The following RTKN variants were observed in gnomAD, a reference collection of about 807,000 sequenced individuals.
RTKN encodes the protein rhotekin.
RTKN carries 49 observed loss-of-function variants against 63.5 expected under a neutral mutation model. The observed-to-expected ratio is 0.77, with a 90% CI of 0.61 to 0.98. The LOEUF is 0.98. Among genes scored for constraint, RTKN ranks in the 50% least tolerant of loss-of-function variants. The probability of loss-of-function intolerance (pLI) is 0.00; values close to 1 mark genes in which losing one functional copy is unlikely to be tolerated. For missense variants in RTKN, 685 were observed against 740.8 expected, an observed-to-expected ratio of 0.92 and a Z score of 0.87; for synonymous variants, 295 against 290.4, an observed-to-expected ratio of 1.02 and a Z score of -0.16.
rs141727618 is a variant in RTKN, at chr2:74,432,942, C to T, written c.112-276G>A. Among the ~76,000 whole-genome samples the T allele has an allele frequency of 2.1e-3, 312 of 152,016 alleles. 10 individuals are homozygous for T. In the East Asian group the frequency reaches 0.054, roughly 26 times the overall value. On this transcript the variant is annotated intron_variant, in intron 1 of 11. Coordinates refer to ENST00000272430, the MANE Select transcript of RTKN (RefSeq NM_001015055.2). Reference sequence around the variant, plus strand: ...GCCTGGGCAACATAGTGAGACCCCACCTCTAAAAAAATATATAACAGCCGG... The same window carrying T: ...GCCTGGGCAACATAGTGAGACCCCATCTCTAAAAAAATATATAACAGCCGG...
intron 1 of RTKN, chr2:74,439,462 C>A: frequency 1.4e-6 from 2 of 1,467,026 alleles, no homozygotes; most frequent in East Asian, 2.3e-5. Flanking sequence ...CTGGCTCTCC[C>A]CACCATGCTG....
chr2:74,427,997 G>A, intron 9 of RTKN: 1 of 535,744 alleles, frequency 1.9e-6, no homozygotes, highest in Non-Finnish European at 3.3e-6. Context: ...TGAGGGAGAA[G>A]AGGGAGAGAG....
chr2:74,430,577 G>A, intron 3 of RTKN, 39 bp downstream of exon 3: 3 of 1,613,846 alleles, frequency 1.9e-6, no homozygotes, highest in Non-Finnish European at 2.5e-6. Flanking sequence ...GTGTGCTTGG[G>A]CAAGGGGTAC....
chr2:74,427,245 G>A lies in RTKN; in HGVS notation c.1284C>T (p.Ile428=). The change falls in exon 11 of 12, where the codon ATC becomes ATT. Residue 428 remains isoleucine, a synonymous_variant. Coordinates refer to ENST00000272430, the MANE Select transcript of RTKN (RefSeq NM_001015055.2). ...MSQWKQCCDE[I]MKIETPAPRK... Reference sequence around the variant, plus strand: ...GGGGAGCAGGAGTTTCAATTTTCATGATTTCATCACAGCACTGCTTCCATT... The same window carrying A: ...GGGGAGCAGGAGTTTCAATTTTCATAATTTCATCACAGCACTGCTTCCATT... 1 of 1,614,188 alleles carries A rather than the reference G, an allele frequency of 6.2e-7. No homozygotes were observed. Among genetic ancestry groups the A allele is most frequent in the Non-Finnish European group, 8.5e-7 (1 of 1,180,028 alleles).
chr2:74,430,159 C>A, intron 5 of RTKN, 93 bp downstream of exon 5: 5 of 1,509,824 alleles, frequency 3.3e-6, no homozygotes, highest in Non-Finnish European at 4.6e-6. Flanking sequence ...TCCTCTCCAC[C>A]CTGCCCCCAT....
In RTKN at chr2:74,430,310, C is replaced by T. The variant is rs1670674097; in HGVS notation, c.487G>A (p.Glu163Lys). Residue 163 changes from glutamate to lysine, a missense_variant, in exon 5 of 12, where the codon GAG becomes AAG. Transcript: ENST00000272430. Reference sequence around the variant, plus strand: ...AGGGTCCTGTCCACTAGGATCATCTCTGTGTCCTGGATGTGTTCCCCCAGC... The same window carrying T: ...AGGGTCCTGTCCACTAGGATCATCTTTGTGTCCTGGATGTGTTCCCCCAGC... ...LQLGEHIQDT[E>K]MILVDRTLTD... 4 of 1,614,092 alleles carry T rather than the reference C, an allele frequency of 2.5e-6. No individual in the cohort carries two copies. The African/African-American group carries it at 4.0e-5, about 16-fold the overall frequency.
chr2:74,427,434 G>C lies in RTKN; in HGVS notation c.1245C>G (p.Phe415Leu), dbSNP rs113000767. Residue 415 changes from phenylalanine to leucine, a missense_variant, in exon 10 of 12, where the codon TTC becomes TTG. By Grantham distance (22) the Phe-to-Leu change is conservative. Coordinates refer to ENST00000272430, the MANE Select transcript of RTKN (RefSeq NM_001015055.2). Reference sequence around the variant, plus strand: ...CCCCTTCTCTCTTACTCATGTCAAAGAAAAGCTGCCACAGAGCCTCCATCC... The same window carrying C: ...CCCCTTCTCTCTTACTCATGTCAAACAAAAGCTGCCACAGAGCCTCCATCC... ...QSWMEALWQL[F>L]FDMSQWKQCC... 5.6e-6 allele frequency: 9 copies of C among 1,613,980 alleles called. No homozygotes were observed. The highest frequency in any genetic ancestry group is 1.3e-5 in the African/African-American group (1 of 74,912).
chr2:74,431,161 C>G (rs973251195), intron 2 of RTKN, among the ~76,000 whole-genome samples: 1 of 151,900 alleles, frequency 6.6e-6, no homozygotes, highest in Non-Finnish European at 1.5e-5. Context: ...ATAATTTGGC[C>G]AACATTTGTT....
chr2:74,434,682 C>T (rs1335271233), intron 1 of RTKN, among the ~76,000 whole-genome samples: 3 of 152,106 alleles, frequency 2.0e-5, no homozygotes, highest in Non-Finnish European at 4.4e-5. Flanking sequence ...TCCCAAAGTG[C>T]GGGATTACAG....
chr2:74,429,774 A>G (rs1670628495), intron 6 of RTKN, 54 bp downstream of exon 6: 2 of 1,525,016 alleles, frequency 1.3e-6, no homozygotes, highest in Non-Finnish European at 1.8e-6. Flanking sequence ...TTCAAAGGTC[A>G]CCTGTGGGCA....
rs769140535 is a variant in RTKN at position 74,432,547 on chromosome 2, C to T, written c.231G>A (p.Val77=). ...QALEATKSLL[V]CNSRILSYMG... is the part of the protein sequence containing the mutation. ...TGTAGCTGAGGATGCGGCTGTTGCA[C>T]ACTAGCAGGCTCTTGGTGGCCTCCA... Residue 77 remains valine, a synonymous_variant, in exon 2 of 12, where the codon GTG becomes GTA. Transcript: ENST00000272430. 18 of 1,613,950 alleles carry T rather than the reference C, an allele frequency of 1.1e-5. No homozygotes were observed. In the Admixed American group the frequency reaches 1.8e-4, roughly 16 times the overall value.
chr2:74,428,163 G>A, intron 9 of RTKN, 105 bp downstream of exon 9: 3 of 1,446,306 alleles, frequency 2.1e-6, no homozygotes, highest in African/African-American at 1.4e-5. Context: ...AGGAGCAGGA[G>A]GCCTGCTTCT....
chr2:74,430,747 TC>T, intron 2 of RTKN, 70 bp from the exon 3 acceptor site: 1 of 1,463,896 alleles, frequency 6.8e-7, no homozygotes, highest in Non-Finnish European at 9.3e-7. Context: ...TCCCAACGAC[TC>T]TAGGATCCCC....
intron 9 of RTKN, chr2:74,428,028 C>T: frequency 3.5e-6 from 2 of 565,800 alleles, no homozygotes; most frequent in Non-Finnish European, 6.3e-6. Flanking sequence ...CCTGAACCTG[C>T]AGGCGAGAGA....
intron 1 of RTKN, among the ~76,000 whole-genome samples, chr2:74,433,993 T>C (rs1484413723): frequency 6.6e-6 from 1 of 152,130 alleles, no homozygotes; most frequent in Non-Finnish European, 1.5e-5. Context: ...CATTTGTGCA[T>C]GATATATATA....
rs1203341955 is a variant in RTKN at position 74,429,047 on chromosome 2, A to G, written c.756-105T>C. Reference sequence around the variant, plus strand: ...CCCATTGTTCAGACTGCCCCACAGAAAACTCGCTTGCCTCCCCAGAGGGTT... The same window carrying G: ...CCCATTGTTCAGACTGCCCCACAGAGAACTCGCTTGCCTCCCCAGAGGGTT... On this transcript the variant is annotated intron_variant, in intron 6 of 11. Coordinates refer to ENST00000272430, the MANE Select transcript of RTKN (RefSeq NM_001015055.2). The G allele has an allele frequency of 8.7e-5, 77 of 882,530 alleles. No homozygotes were observed. In the Admixed American group the frequency reaches 1.2e-3, roughly 14 times the overall value. The allele number at this position is 882,530 out of a possible 1,614,324, so 54.7% of individuals were successfully genotyped here.
intron 1 of RTKN, among the ~76,000 whole-genome samples, chr2:74,440,812 G>A (rs1671328673): frequency 6.6e-6 from 1 of 152,392 alleles, no homozygotes; most frequent in East Asian, 1.9e-4. Flanking sequence ...TTTGTTCTGG[G>A]CAGGCTGGAG....
chr2:74,440,658 TC>T, intron 1 of RTKN: 1 of 767,380 alleles, frequency 1.3e-6, no homozygotes, highest in Non-Finnish European at 1.6e-6. Flanking sequence ...CGCCCCTTAC[TC>T]CCCCACGCTG....
Position 74,441,861 on chromosome 2 carries a change from C to T in RTKN, c.-45G>A, listed in dbSNP as rs1306869854. The T allele has an allele frequency of 7.7e-7, 1 of 1,290,484 alleles. No homozygotes were observed. The highest frequency in any genetic ancestry group is 1.1e-6 in the Non-Finnish European group (1 of 906,082). 79.9% of individuals were successfully genotyped at this position (1,290,484 alleles called of 1,614,324 possible). A position where few individuals can be genotyped will look rare whatever the true frequency, so the allele number is the denominator to read the frequency against. On this transcript the variant is annotated 5_prime_UTR_variant, in exon 1 of 12. Transcript: ENST00000272430. ...TGCCTGCTCAGTGCGCTCCCCGCGC[C>T]GCCCGGCTTAGCCTCCTCTCCTCGG...
Sources: gnomAD v4.1 joint callset for allele counts (sites outside exome capture counted in the v4.1 genomes callset) on GRCh38, gnomAD v4.1.1 for gene constraint, MANE v1.5 for transcripts, NCBI Gene and HGNC (gene_info 2026-07-23, HGNC 2026-07-21) for gene names.